NEDD9: variants seen among roughly 807,000 people sequenced by gnomAD.
The protein encoded by NEDD9 is neural precursor cell expressed, developmentally down-regulated 9, also known as enhancer of filamentation 1.
Under a neutral mutation model 76.6 loss-of-function variants are expected in NEDD9, and 26 were observed. The ratio of observed to expected loss-of-function variants is 0.34; its 90% CI spans 0.25 to 0.47. NEDD9 has a LOEUF of 0.47. Ranked by LOEUF, NEDD9 falls within the 20% of genes least tolerant of loss-of-function variation. The pLI, the probability that NEDD9 is intolerant of heterozygous loss-of-function variation, is 1.00. For missense variants in NEDD9, 937 were observed against 1,058.5 expected (o/e 0.89, Z 1.59); for synonymous variants, 392 against 414.2 (o/e 0.95, Z 0.65).
chr6:11,291,947 C>A (rs568967652), intron 3 of NEDD9, among the ~76,000 whole-genome samples: 1 of 152,208 alleles, frequency 6.6e-6, no homozygotes, highest in Non-Finnish European at 1.5e-5. Context: ...TACAGGGTCA[C>A]CTTTGAGTTC....
intron 1 of NEDD9, among the ~76,000 whole-genome samples, chr6:11,336,303 C>T (rs1305581984): frequency 6.6e-6 from 1 of 152,208 alleles, no homozygotes; most frequent in Non-Finnish European, 1.5e-5. Context: ...TGTAATTGTA[C>T]AAAGTGCATA....
intron 1 of NEDD9, among the ~76,000 whole-genome samples, chr6:11,215,977 C>T (rs1294182593): frequency 2.0e-5 from 3 of 152,180 alleles, no homozygotes; most frequent in East Asian, 1.9e-4. Flanking sequence ...TAGAAATCCC[C>T]GTGCGAGAGT....
intron 2 of NEDD9, among the ~76,000 whole-genome samples, chr6:11,334,021 G>A (rs9394035): frequency 3.3e-5 from 5 of 152,270 alleles, no homozygotes; most frequent in African/African-American, 1.2e-4. Context: ...TACCCCATCA[G>A]CTAATTAATC....
intron 3 of NEDD9, chr6:11,248,916 T>C (rs1347156625): frequency 1.1e-5 from 4 of 348,130 alleles, no homozygotes; most frequent in African/African-American, 8.6e-5. Flanking sequence ...CTCTCCTCCA[T>C]CTGATCATTG....
At chr6:11,360,921 G>C (rs958430431) in intron 1 of NEDD9, among the ~76,000 whole-genome samples, 1 of 152,208 alleles carries the variant, frequency 6.6e-6, no homozygotes, top group South Asian at 2.1e-4. Flanking sequence ...AAAAGGCATA[G>C]AGCAGACTGT....
intron 2 of NEDD9, among the ~76,000 whole-genome samples, chr6:11,206,285 G>T (rs1229775649): frequency 6.6e-6 from 1 of 152,046 alleles, no homozygotes; most frequent in East Asian, 1.9e-4. Flanking sequence ...CGGGCAAGGT[G>T]GTGGGCACCT....
upstream of NEDD9, among the ~76,000 whole-genome samples, chr6:11,236,178 C>A (rs1759595020): frequency 6.6e-6 from 1 of 152,130 alleles, no homozygotes; most frequent in South Asian, 2.1e-4. The surrounding 1 kb of genome is among the most constrained non-coding windows in gnomAD (Gnocchi z 5.5). Context: ...TTGATTTATG[C>A]AGCAGCCCTA....
chr6:11,238,422 C>G (rs547529815), intron 3 of NEDD9, among the ~76,000 whole-genome samples: 1 of 152,192 alleles, frequency 6.6e-6, no homozygotes, highest in Non-Finnish European at 1.5e-5. Flanking sequence ...CATGTTTGTC[C>G]GCTCAATAAG....
intron 2 of NEDD9, chr6:11,200,165 T>C (rs1047242454): frequency 3.1e-5 from 9 of 288,720 alleles, no homozygotes; most frequent in African/African-American, 4.5e-5. Flanking sequence ...AGGGGGAACA[T>C]TGGACTATAG....
At chr6:11,225,791 G>C (rs924066828) in intron 1 of NEDD9, among the ~76,000 whole-genome samples, 23 of 144,610 alleles carry the variant, frequency 1.6e-4, no homozygotes, top group Admixed American at 1.5e-4. Flanking sequence ...GTGAGCCACC[G>C]CGCCCGGCCT....
chr6:11,351,163 G>A (rs910562481), intron 1 of NEDD9, among the ~76,000 whole-genome samples: 1 of 152,130 alleles, frequency 6.6e-6, no homozygotes, highest in Non-Finnish European at 1.5e-5. Flanking sequence ...CGAGGGACAT[G>A]AGCCAGAAAG....
At chr6:11,294,508 C>A (rs1428056841) in intron 3 of NEDD9, among the ~76,000 whole-genome samples, 1 of 152,110 alleles carries the variant, frequency 6.6e-6, no homozygotes, top group Non-Finnish European at 1.5e-5. Context: ...TGCTGGCTTC[C>A]CTTTTGTCTT....
rs998442396 is a variant in NEDD9, at chr6:11,241,162, G to A, written c.13-27435C>T. Among the ~76,000 whole-genome samples, 1 of 152,212 alleles carries A rather than the reference G, an allele frequency of 6.6e-6. No homozygotes were observed. Among genetic ancestry groups the A allele is most frequent in the African/African-American group, 2.4e-5 (1 of 41,450 alleles). ...ATGGACTCTCATGGCTGAAATGAGA[G>A]TGGCCGTCTCCTCTTTCCGGAGGCA... On this transcript the variant is annotated intron_variant, in intron 3 of 3. Coordinates refer to the NEDD9 transcript ENST00000397378. This position sits in a 1 kb window ranked among gnomAD's most constrained non-coding sequence, Gnocchi z 4.0.
chr6:11,304,127 C>T (rs184074481), intron 3 of NEDD9, among the ~76,000 whole-genome samples: 1 of 152,272 alleles, frequency 6.6e-6, no homozygotes, highest in Non-Finnish European at 1.5e-5. Flanking sequence ...AAACAAACAA[C>T]CCCATCAAAA....
rs548799887 is a variant in NEDD9, at chr6:11,327,461, T to A, written c.-153+7040A>T. Among the ~76,000 whole-genome samples the A allele has an allele frequency of 2.6e-5, 4 of 152,342 alleles. No homozygotes were observed. In the South Asian group the frequency reaches 8.3e-4, roughly 32 times the overall value. On this transcript the variant is annotated intron_variant, in intron 2 of 3. Transcript: ENST00000397378. ...TCCTATTTAAAGTACATCGAACAGT[T>A]CTGACACCATTTTAGAAAATGATAA... is the stretch of plus-strand genomic sequence containing the variant.
At chr6:11,199,898 C>G (rs1012188393) in intron 2 of NEDD9, 4 of 153,974 alleles carry the variant, frequency 2.6e-5, no homozygotes, top group Non-Finnish European at 4.3e-5. Context: ...CGATCTCGAT[C>G]TCCTGACCTC....
chr6:11,374,625 A>G (rs1174552884), intron 1 of NEDD9, among the ~76,000 whole-genome samples: 1 of 152,252 alleles, frequency 6.6e-6, no homozygotes, highest in Non-Finnish European at 1.5e-5. Context: ...CGCATATGCT[A>G]TAGAAAAAGG....
intron 1 of NEDD9, among the ~76,000 whole-genome samples, chr6:11,366,266 A>G (rs1157839618): frequency 1.1e-5 from 1 of 89,774 alleles, no homozygotes; most frequent in Non-Finnish European, 2.1e-5. Context: ...TGAGAGTCTG[A>G]GAAAGAAGGA....
At chr6:11,280,055 G>A (rs115587690) in intron 3 of NEDD9, among the ~76,000 whole-genome samples, 1 of 152,104 alleles carries the variant, frequency 6.6e-6, no homozygotes, top group Admixed American at 6.5e-5. Context: ...CTTCATGGTG[G>A]GGGCTGCCTT....
Sources: allele counts gnomAD v4.1 joint callset (sites outside exome capture counted in the v4.1 genomes callset), GRCh38; gene constraint gnomAD v4.1.1; non-coding constraint Gnocchi (gnomAD v3.1); transcripts MANE v1.5; gene names NCBI Gene and HGNC (gene_info 2026-07-23, HGNC 2026-07-21).